Variants in SUCNR1 observed in about 807,000 individuals in gnomAD.
SUCNR1 encodes G-protein coupled receptor 91.
A neutral mutation model predicts 2.4 loss-of-function variants in SUCNR1; 5 were observed. The observed-to-expected ratio is 2.07, with a 90% CI of 1.08 to 4.36. The LOEUF is 4.36. Among genes scored for constraint, SUCNR1 ranks in the 30% most tolerant of loss-of-function variants. The pLI, the probability that SUCNR1 is intolerant of heterozygous loss-of-function variation, is 0.00. For missense variants in SUCNR1, 373 were observed against 399.2 expected (o/e 0.93, Z 0.56); for synonymous variants, 162 against 143.9 (o/e 1.13, Z -0.90).
At position 151,883,528 on chromosome 3, in the gene SUCNR1, A is replaced by G. The variant is rs1351228435; in HGVS notation, c.*1980A>G. 1 of 143,410 alleles carries G rather than the reference A, an allele frequency of 7.0e-6. No individual in the cohort carries two copies. The highest frequency in any genetic ancestry group is 2.1e-4 in the East Asian group (1 of 4,860). 8.9% of individuals were successfully genotyped at this position (143,410 alleles called of 1,614,324 possible). On this transcript the variant is annotated 3_prime_UTR_variant, in exon 3 of 3. Coordinates refer to ENST00000362032, the MANE Select transcript of SUCNR1 (RefSeq NM_033050.6). Reference sequence around the variant, plus strand: ...TATGTACCTTGTAAACAAGAGGTTAAGAAATTTTATAGCACATTTTAAAAT... The same window carrying G: ...TATGTACCTTGTAAACAAGAGGTTAGGAAATTTTATAGCACATTTTAAAAT...
Position 151,880,867 on chromosome 3 carries a change from C to A in SUCNR1, c.324C>A (p.Thr108=), listed in dbSNP as rs1718071011. The A allele has an allele frequency of 6.2e-7, 1 of 1,614,054 alleles. No homozygotes were observed. The highest frequency in any genetic ancestry group is 2.2e-5 in the East Asian group (1 of 44,874). ...ATGTGCTTCATGCCAACCTCTATAC[C>A]AGCATTCTCTTTCTCACTTTTATCA... ...NRYVLHANLY[T]SILFLTFISI... is the part of the protein sequence containing the mutation. The change falls in exon 3 of 3, where the codon ACC becomes ACA. Residue 108 remains threonine, a synonymous_variant. Transcript: ENST00000362032.
chr3:151,882,221 A>T lies in SUCNR1; in HGVS notation c.*673A>T, dbSNP rs970622864. 1 of 152,176 alleles carries T rather than the reference A, an allele frequency of 6.6e-6. No homozygotes were observed. The highest frequency in any genetic ancestry group is 2.1e-4 in the South Asian group (1 of 4,834). 9.4% of individuals were successfully genotyped at this position (152,176 alleles called of 1,614,324 possible). ...ATGTTTGAGCTTGTCAGAGAATTTAAGTATCAAAATACTAGAGAGATACAC... is the reference window on the plus strand; with the variant it reads ...ATGTTTGAGCTTGTCAGAGAATTTATGTATCAAAATACTAGAGAGATACAC... On this transcript the variant is annotated 3_prime_UTR_variant, in exon 3 of 3. Coordinates refer to ENST00000362032, the MANE Select transcript of SUCNR1 (RefSeq NM_033050.6).
rs1397340953 is a variant in SUCNR1 at position 151,884,102 on chromosome 3, T to C, written c.*2554T>C. 1 of 152,232 alleles carries C rather than the reference T, an allele frequency of 6.6e-6. No homozygotes were observed. Among genetic ancestry groups the C allele is most frequent in the Non-Finnish European group, 1.5e-5 (1 of 68,040 alleles). 9.4% of individuals were successfully genotyped at this position (152,232 alleles called of 1,614,324 possible). On this transcript the variant is annotated 3_prime_UTR_variant, in exon 3 of 3. Transcript: ENST00000362032. ...ATACTACTTATTTGAATTTCATTAT[T>C]TTTATTATAGTTTATTATTGTCTTC...
At position 151,883,465 on chromosome 3, in the gene SUCNR1, C is replaced by T. The variant is rs1259239111; in HGVS notation, c.*1917C>T. 4 of 80,388 alleles carry T rather than the reference C, an allele frequency of 5.0e-5. No homozygotes were observed. Among genetic ancestry groups the T allele is most frequent in the Non-Finnish European group, 9.5e-5 (4 of 42,216 alleles). The allele number at this position is 80,388 out of a possible 1,614,324, so 5.0% of individuals were successfully genotyped here. A position where few individuals can be genotyped will look rare whatever the true frequency, so the allele number is the denominator to read the frequency against. On this transcript the variant is annotated 3_prime_UTR_variant, in exon 3 of 3. Coordinates refer to ENST00000362032, the MANE Select transcript of SUCNR1 (RefSeq NM_033050.6). ...AATATTTTTTCAAACCATAAACTCACATATATATATATATATATATATATA... is the reference window on the plus strand; with the variant it reads ...AATATTTTTTCAAACCATAAACTCATATATATATATATATATATATATATA...
intron 2 of SUCNR1, among the ~76,000 whole-genome samples, chr3:151,880,282 G>A (rs1007566633): frequency 2.0e-5 from 3 of 152,150 alleles, no homozygotes; most frequent in African/African-American, 7.2e-5. Flanking sequence ...CTTCCCAAGA[G>A]AGTATAAATT....
Position 151,881,712 on chromosome 3 carries a change from T to G in SUCNR1, c.*164T>G. 42 of 657,030 alleles carry G rather than the reference T, an allele frequency of 6.4e-5. No homozygotes were observed. Among genetic ancestry groups the G allele is most frequent in the Non-Finnish European group, 9.5e-5 (38 of 400,156 alleles). 40.7% of individuals were successfully genotyped at this position (657,030 alleles called of 1,614,324 possible). Reference sequence around the variant, plus strand: ...AATGGGACGACAAGAATGTACTGGTTTCTTCCTCTAAGAATTGAAAGGAGT... The same window carrying G: ...AATGGGACGACAAGAATGTACTGGTGTCTTCCTCTAAGAATTGAAAGGAGT... On this transcript the variant is annotated 3_prime_UTR_variant, in exon 3 of 3. Transcript: ENST00000362032.
chr3:151,883,465 CATATATATATATAT>C lies in SUCNR1; in HGVS notation c.*1944_*1957del, dbSNP rs57096358. The C allele has an allele frequency of 2.3e-3, 184 of 80,410 alleles. 1 individual carries two copies. Among genetic ancestry groups the C allele is most frequent in the South Asian group, 4.0e-3 (8 of 1,976 alleles). The allele number at this position is 80,410 out of a possible 1,614,324, so 5.0% of individuals were successfully genotyped here. Reference sequence around the variant, plus strand: ...AATATTTTTTCAAACCATAAACTCACATATATATATATATATATATATATATATATATATATATA... The same window carrying C: ...AATATTTTTTCAAACCATAAACTCACATATATATATATATATATATATATA... On this transcript the variant is annotated 3_prime_UTR_variant, in exon 3 of 3. Coordinates refer to ENST00000362032, the MANE Select transcript of SUCNR1 (RefSeq NM_033050.6).
At chr3:151,875,879 T>C (rs944057328) in intron 1 of SUCNR1, among the ~76,000 whole-genome samples, 2 of 152,318 alleles carry the variant, frequency 1.3e-5, no homozygotes, top group African/African-American at 4.8e-5. Context: ...TTGACTTTCA[T>C]GTGACCCGTC....
rs530905352 is a variant in SUCNR1, at chr3:151,883,057, T to C, written c.*1509T>C. ...TAAATCCCCCAATTTTCCCAGTTGA[T>C]ATCTCTAGACTTCAAGCAACTGAAA... On this transcript the variant is annotated 3_prime_UTR_variant, in exon 3 of 3. Transcript: ENST00000362032. The C allele has an allele frequency of 6.6e-6, 1 of 152,242 alleles. No homozygotes were observed. The highest frequency in any genetic ancestry group is 2.1e-4 in the South Asian group (1 of 4,828). The allele number at this position is 152,242 out of a possible 1,614,324, so 9.4% of individuals were successfully genotyped here. A position where few individuals can be genotyped will look rare whatever the true frequency, so the allele number is the denominator to read the frequency against.
intron 1 of SUCNR1, among the ~76,000 whole-genome samples, chr3:151,876,624 C>T (rs1458996810): frequency 6.6e-6 from 1 of 152,010 alleles, no homozygotes; most frequent in Non-Finnish European, 1.5e-5. Flanking sequence ...TAATTAAATG[C>T]TTCAGTTTTA....
chr3:151,875,530 CA>C (rs1392601166), intron 1 of SUCNR1, among the ~76,000 whole-genome samples: 4 of 151,832 alleles, frequency 2.6e-5, no homozygotes, highest in East Asian at 1.9e-4. Context: ...ACAAATGTAT[CA>C]AAAAATTATA....
chr3:151,879,949 C>T (rs1326426316), intron 2 of SUCNR1, 42 bp downstream of exon 2: 1 of 1,494,444 alleles, frequency 6.7e-7, no homozygotes, highest in Non-Finnish European at 9.1e-7. Flanking sequence ...ATCTTCTCTT[C>T]AATTATTTTA....
rs558780069 is a variant in SUCNR1, at chr3:151,876,846, G to C, written c.-41-3006G>C. The stretch of plus-strand genomic sequence containing the variant: ...TATTTATAAAAATGCTTTGTAAATA[G>C]TCAGGTGTTCATATTCATCTCTTCA... On this transcript the variant is annotated intron_variant, in intron 1 of 2. Coordinates refer to ENST00000362032, the MANE Select transcript of SUCNR1 (RefSeq NM_033050.6). Among the ~76,000 whole-genome samples the C allele has an allele frequency of 9.2e-5, 14 of 152,190 alleles. No individual in the cohort carries two copies. The East Asian group carries it at 2.5e-3, about 27-fold the overall frequency.
Position 151,881,302 on chromosome 3 carries a change from T to C in SUCNR1, c.759T>C (p.Asn253=), listed in dbSNP as rs1401961261. The change falls in exon 3 of 3, where the codon AAT becomes AAC. Residue 253 remains asparagine (N), a synonymous_variant. Transcript: ENST00000362032. ...TTACACCCTATCACGTCATGCGGAA[T>C]GTGAGGATCGCTTCACGCCTGGGGA... ...VLFTPYHVMR[N]VRIASRLGSW... is the part of the protein sequence containing the mutation. 6.2e-6 allele frequency: 10 copies of C among 1,614,232 alleles called. No homozygotes were observed. Among genetic ancestry groups the C allele is most frequent in the East Asian group, 2.2e-5 (1 of 44,886 alleles).
At chr3:151,876,079 T>G (rs558605147) in intron 1 of SUCNR1, among the ~76,000 whole-genome samples, 29 of 152,292 alleles carry the variant, frequency 1.9e-4, no homozygotes, top group African/African-American at 7.0e-4. Context: ...GTGAAACAAA[T>G]TTCTTGTGTC....
intron 1 of SUCNR1, among the ~76,000 whole-genome samples, chr3:151,874,160 T>A (rs1306018848): frequency 2.3e-4 from 30 of 132,724 alleles, no homozygotes; most frequent in East Asian, 1.2e-3. Context: ...TTTTTTTTTT[T>A]TTTTTTTTTT....
At chr3:151,875,044 G>T (rs1026719643) in intron 1 of SUCNR1, among the ~76,000 whole-genome samples, 1 of 152,040 alleles carries the variant, frequency 6.6e-6, no homozygotes, top group Admixed American at 6.6e-5. Context: ...ACATTTTCAA[G>T]TTAAGTATTA....
intron 1 of SUCNR1, among the ~76,000 whole-genome samples, chr3:151,878,718 G>C (rs1024147898): frequency 6.6e-6 from 1 of 152,042 alleles, no homozygotes; most frequent in Non-Finnish European, 1.5e-5. Context: ...AGAGAGATTC[G>C]AGAGACTCCG....
intron 1 of SUCNR1, among the ~76,000 whole-genome samples, chr3:151,874,928 C>T (rs1717877769): frequency 6.6e-6 from 1 of 151,740 alleles, no homozygotes; most frequent in Admixed American, 6.6e-5. Flanking sequence ...ATTGTGATGA[C>T]TATAAAAACA....
Sources: gnomAD v4.1 joint callset for allele counts (sites outside exome capture counted in the v4.1 genomes callset) on GRCh38, gnomAD v4.1.1 for gene constraint, MANE v1.5 for transcripts, NCBI Gene and HGNC (gene_info 2026-07-23, HGNC 2026-07-21) for gene names.